KCTD13: variants seen among roughly 807,000 people sequenced by gnomAD.
KCTD13 encodes BTB/POZ domain-containing adapter for CUL3-mediated RhoA degradation protein 1.
A neutral mutation model predicts 32.3 loss-of-function variants in KCTD13; 15 were observed. That is an observed-to-expected ratio of 0.46 (90% CI 0.31 to 0.71). KCTD13 has a LOEUF of 0.71. Ranked by LOEUF, KCTD13 falls within the 30% of genes least tolerant of loss-of-function variation. The probability of loss-of-function intolerance (pLI) is 0.05; values close to 1 mark genes in which losing one functional copy is unlikely to be tolerated. For missense variants in KCTD13, 337 were observed against 452.6 expected (o/e 0.74, Z 2.32); for synonymous variants, 189 against 200.1 (o/e 0.94, Z 0.47).
chr16:29,911,315 G>A (rs1381789159), intron 4 of KCTD13, 142 bp from the exon 5 acceptor site: 14 of 671,288 alleles, frequency 2.1e-5, no homozygotes, highest in African/African-American at 3.6e-5. Flanking sequence ...TCCACCCCTG[G>A]GGCCAGGCTA....
intron 2 of KCTD13, among the ~76,000 whole-genome samples, chr16:29,917,371 G>A (rs1263943196): frequency 6.6e-6 from 1 of 152,158 alleles, no homozygotes; most frequent in Non-Finnish European, 1.5e-5. Flanking sequence ...TATAGGTCAG[G>A]TATAGCGGAT....
chr16:29,910,728 T>C (rs184816474), intron 5 of KCTD13, among the ~76,000 whole-genome samples: 2 of 151,988 alleles, frequency 1.3e-5, no homozygotes, highest in African/African-American at 4.8e-5. Flanking sequence ...ATTTCAGGAG[T>C]TGCAAACAGC....
intron 2 of KCTD13, 30 bp from the exon 3 acceptor site, chr16:29,912,079 C>T: frequency 6.6e-7 from 1 of 1,508,112 alleles, no homozygotes; most frequent in Admixed American, 1.9e-5. Flanking sequence ...TGGTTAACAG[C>T]ACAACCAAAG....
chr16:29,917,242 A>G (rs2068825548), intron 2 of KCTD13, among the ~76,000 whole-genome samples: 1 of 152,156 alleles, frequency 6.6e-6, no homozygotes, highest in Non-Finnish European at 1.5e-5. Context: ...TGGCACTGGG[A>G]AAACTACCTC....
intron 2 of KCTD13, chr16:29,914,347 A>T (rs1028499167): frequency 1.3e-5 from 2 of 152,088 alleles, no homozygotes; most frequent in African/African-American, 4.8e-5. Flanking sequence ...ATCAGCTCAA[A>T]GTACAGAATC....
rs1161064451 is a variant in KCTD13, at chr16:29,911,826, G to A, written c.546C>T (p.Tyr182=). ...KLLHNRSNNK[Y]SYTSTSDDNL... ...ACCCCGGCGGTCACCTGGTGTAGGA[G>A]TACTTGTTGTTACTGCGGTTGTGCA... Residue 182 remains tyrosine, a synonymous_variant, in exon 4 of 6, where the codon TAC becomes TAT. Coordinates refer to ENST00000568000, the MANE Select transcript of KCTD13 (RefSeq NM_178863.5). 1 of 1,612,808 alleles carries A rather than the reference G, an allele frequency of 6.2e-7. No individual in the cohort carries two copies. Among genetic ancestry groups the A allele is most frequent in the East Asian group, 2.2e-5 (1 of 44,872 alleles).
chr16:29,919,677 T>C (rs939230618), intron 2 of KCTD13: 2 of 152,176 alleles, frequency 1.3e-5, no homozygotes, highest in African/African-American at 2.4e-5. Flanking sequence ...AGATGGCAAT[T>C]ATTAACAACA....
At chr16:29,912,397 C>CT in intron 2 of KCTD13, 1 of 392,128 alleles carries the variant, frequency 2.6e-6, no homozygotes, top group South Asian at 3.1e-5. Context: ...CCCAGCCCCC[C>CT]TGGCTAAAAC....
intron 5 of KCTD13, among the ~76,000 whole-genome samples, chr16:29,907,345 C>G (rs2068631326): frequency 6.6e-6 from 1 of 152,192 alleles, no homozygotes; most frequent in Non-Finnish European, 1.5e-5. Context: ...TGCCTAGCCT[C>G]TTGGTATATT....
chr16:29,912,058 G>C lies in KCTD13; in HGVS notation c.415-9C>G, dbSNP rs200337695. Reference sequence around the variant, plus strand: ...AGCGTCTCCCTTTTTTGCTGGGGAAGAAGCGGAAGGTGGTTAACAGCACAA... The same window carrying C: ...AGCGTCTCCCTTTTTTGCTGGGGAACAAGCGGAAGGTGGTTAACAGCACAA... On this transcript the variant is annotated splice_polypyrimidine_tract_variant and intron_variant, in intron 2 of 5. Coordinates refer to ENST00000568000, the MANE Select transcript of KCTD13 (RefSeq NM_178863.5). The C allele has an allele frequency of 1.9e-6, 3 of 1,585,634 alleles. No homozygotes were observed. In the East Asian group the frequency reaches 6.8e-5, roughly 36 times the overall value.
intron 1 of KCTD13, among the ~76,000 whole-genome samples, chr16:29,924,367 A>G (rs970161536): frequency 1.6e-4 from 25 of 152,156 alleles, no homozygotes; most frequent in Admixed American, 1.4e-3. Flanking sequence ...TACAGTCAGA[A>G]GGCTCTCACC....
At chr16:29,912,865 G>A (rs1358484841) in intron 2 of KCTD13, among the ~76,000 whole-genome samples, 1 of 152,198 alleles carries the variant, frequency 6.6e-6, no homozygotes, top group Non-Finnish European at 1.5e-5. Context: ...TGTATTTGTT[G>A]AATGAATGAA....
Position 29,926,184 on chromosome 16 carries a change from C to T in KCTD13, c.-151G>A, listed in dbSNP as rs1023479304. On this transcript the variant is annotated 5_prime_UTR_variant, in exon 1 of 6. Coordinates refer to ENST00000568000, the MANE Select transcript of KCTD13 (RefSeq NM_178863.5). ...GCTACTCTGCAAGACCGGCCCTCCG[C>T]CCCATCTCGCTCGCACCACCCGGAA... The T allele has an allele frequency of 1.0e-4, 92 of 906,412 alleles. No individual in the cohort carries two copies. The highest frequency in any genetic ancestry group is 1.4e-4 in the Non-Finnish European group (91 of 656,442). 56.1% of individuals were successfully genotyped at this position (906,412 alleles called of 1,614,324 possible). A position where few individuals can be genotyped will look rare whatever the true frequency, so the allele number is the denominator to read the frequency against.
At chr16:29,922,182 C>T (rs2068925653) in intron 2 of KCTD13, 1 of 152,004 alleles carries the variant, frequency 6.6e-6, no homozygotes, top group African/African-American at 2.4e-5. Context: ...TACTAAAATG[C>T]ATTTTTTCCC....
Position 29,924,871 on chromosome 16 carries a change from C to T in KCTD13, c.244+919G>A, listed in dbSNP as rs1017364074. On this transcript the variant is annotated intron_variant, in intron 1 of 5. Coordinates refer to ENST00000568000, the MANE Select transcript of KCTD13 (RefSeq NM_178863.5). ...GTAGCTGGGCTACAGGCGCACACCA[C>T]CACGCCCGGCTAATTTTTGTATTTT... is the stretch of plus-strand genomic sequence containing the variant. Among the ~76,000 whole-genome samples, 6 of 152,076 alleles carry T rather than the reference C, an allele frequency of 3.9e-5. No individual in the cohort carries two copies. The South Asian group carries it at 6.2e-4, about 16-fold the overall frequency.
intron 2 of KCTD13, among the ~76,000 whole-genome samples, chr16:29,918,154 A>AT (rs2068842424): frequency 6.6e-6 from 1 of 152,246 alleles, no homozygotes; most frequent in South Asian, 2.1e-4. Context: ...ACTTATAGGT[A>AT]TTCTGTGGCA....
intron 2 of KCTD13, among the ~76,000 whole-genome samples, chr16:29,918,808 C>A (rs976481588): frequency 7.9e-5 from 12 of 152,298 alleles, no homozygotes; most frequent in African/African-American, 2.9e-4. Flanking sequence ...CAGATGCCCA[C>A]CACCAGGCCT....
At chr16:29,925,707 A>G in intron 1 of KCTD13, 83 bp downstream of exon 1, 1 of 1,379,014 alleles carries the variant, frequency 7.3e-7, no homozygotes. Flanking sequence ...GAGAAGGGGC[A>G]TGAGGAGCCC....
At position 29,911,799 on chromosome 16, in the gene KCTD13, G is replaced by A. The variant is rs200446337; in HGVS notation, c.557+16C>T. Reference sequence around the variant, plus strand: ...ATCCCAGGGTCCCGCCCAGTGCCCCGCACCCCGGCGGTCACCTGGTGTAGG... The same window carrying A: ...ATCCCAGGGTCCCGCCCAGTGCCCCACACCCCGGCGGTCACCTGGTGTAGG... On this transcript the variant is annotated intron_variant, in intron 4 of 5. Transcript: ENST00000568000. The A allele has an allele frequency of 1.4e-4, 227 of 1,611,922 alleles. No homozygotes were observed. The African/African-American group carries it at 2.4e-3, about 17-fold the overall frequency.
Sources: gnomAD v4.1 joint callset for allele counts (sites outside exome capture counted in the v4.1 genomes callset) on GRCh38, gnomAD v4.1.1 for gene constraint, MANE v1.5 for transcripts, NCBI Gene and HGNC (gene_info 2026-07-23, HGNC 2026-07-21) for gene names.